Variants in ELP1 observed in about 807,000 individuals in gnomAD.
The protein encoded by ELP1 is elongator acetyltransferase complex subunit 1.
In ELP1, 131 loss-of-function variants were observed where a neutral mutation model predicts 183.2. The observed-to-expected ratio is 0.72, with a 90% confidence interval of 0.62 to 0.83. The LOEUF is 0.83. Among genes scored for constraint, ELP1 ranks in the 40% least tolerant of loss-of-function variants. The pLI is 0.00. For synonymous variants in ELP1, 555 were observed against 569.0 expected, an observed-to-expected ratio of 0.98 and a Z score of 0.35; for missense variants, 1,550 against 1,594.9, an observed-to-expected ratio of 0.97 and a Z score of 0.48.
intron 11 of ELP1, among the ~76,000 whole-genome samples, chr9:108,911,641 A>G (rs1460292912): frequency 1.3e-5 from 2 of 152,238 alleles, no homozygotes; most frequent in Admixed American, 1.3e-4. Flanking sequence ...CAGAATATGA[A>G]TTAATATACC....
chr9:108,878,649 A>G lies in ELP1; in HGVS notation c.3674T>C (p.Val1225Ala). ...TTTCAGGTTTTCAGTGTTCTGCACC[A>G]CTTCACTCAGTGCCTCCAGGAGGGC... ...DLALLEALSE[V>A]VQNTENLKDE... Residue 1225 changes from valine to alanine, a missense_variant, in exon 34 of 37, where the codon GTG becomes GCG. Physicochemically the swap from Val to Ala is moderately conservative, Grantham distance 64. Coordinates refer to ENST00000374647, the MANE Select transcript of ELP1 (RefSeq NM_003640.5). 1 of 1,614,136 alleles carries G rather than the reference A, an allele frequency of 6.2e-7. No homozygotes were observed. The highest frequency in any genetic ancestry group is 8.5e-7 in the Non-Finnish European group (1 of 1,180,016).
At chr9:108,922,990 G>A (rs1201717213) in intron 5 of ELP1, 63 bp from the exon 6 acceptor site, 14 of 1,189,286 alleles carry the variant, frequency 1.2e-5, no homozygotes, top group Non-Finnish European at 1.6e-5. Flanking sequence ...CAGTTTCACT[G>A]CTATTCTTCA....
chr9:108,879,401 T>A (rs372223039), intron 33 of ELP1, 45 bp downstream of exon 33: 1 of 1,426,604 alleles, frequency 7.0e-7, no homozygotes, highest in Non-Finnish European at 9.9e-7. Context: ...ACTTTCCCTA[T>A]ATGCCCAGGA....
intron 32 of ELP1, 37 bp downstream of exon 32, chr9:108,880,015 G>T: frequency 7.8e-7 from 1 of 1,289,434 alleles, no homozygotes. Context: ...CAACCCCACT[G>T]CCCCCGCACG....
chr9:108,882,153 C>T lies in ELP1; in HGVS notation c.3257G>A (p.Gly1086Glu). Residue 1086 changes from glycine (G) to glutamate (E), a missense_variant, in exon 30 of 37, where the codon GGA becomes GAA. Coordinates refer to ENST00000374647, the MANE Select transcript of ELP1 (RefSeq NM_003640.5). ...YEEAVLLLLE[G>E]AAWEEALRLV... ...CCTCAAAGCTTCTTCCCAGGCAGCT[C>T]CTTCTAACAGCAAGAGCACAGCTTC... 1 of 1,613,624 alleles carries T rather than the reference C, an allele frequency of 6.2e-7. No homozygotes were observed. The highest frequency in any genetic ancestry group is 8.5e-7 in the Non-Finnish European group (1 of 1,179,900).
At position 108,906,322 on chromosome 9, in the gene ELP1, G is replaced by T. The variant is rs1250751801; in HGVS notation, c.1624C>A (p.His542Asn). The T allele has an allele frequency of 1.2e-6, 2 of 1,613,944 alleles. No individual in the cohort carries two copies. The highest frequency in any genetic ancestry group is 2.2e-5 in the South Asian group (2 of 91,082). The change falls in exon 14 of 37, where the codon CAT (histidine) becomes AAT (asparagine). Residue 542 changes from histidine to asparagine, a missense_variant. His to Asn is a moderately conservative substitution (Grantham distance 68). Coordinates refer to ENST00000374647, the MANE Select transcript of ELP1 (RefSeq NM_003640.5). ...TAASSEMDEEHGQLNVSSSAA... is the reference protein window; with the variant it reads ...TAASSEMDEENGQLNVSSSAA... ...CAATACCTGACATTGAGCTGTCCATGCTCTTCATCCATCTCAGAAGAAGCT... is the reference window on the plus strand; with the variant it reads ...CAATACCTGACATTGAGCTGTCCATTCTCTTCATCCATCTCAGAAGAAGCT...
At chr9:108,931,991 G>A (rs1429243656) in intron 1 of ELP1, among the ~76,000 whole-genome samples, 4 of 152,192 alleles carry the variant, frequency 2.6e-5, no homozygotes, top group South Asian at 2.1e-4. Flanking sequence ...TACTGTGCTA[G>A]TTATTTATAT....
At chr9:108,878,236 A>C in intron 34 of ELP1, 87 bp from the exon 35 acceptor site, 1 of 1,139,932 alleles carries the variant, frequency 8.8e-7, no homozygotes, top group Non-Finnish European at 1.3e-6. Context: ...AAAGCCAAAA[A>C]TTTCTATGAT....
intron 12 of ELP1, among the ~76,000 whole-genome samples, chr9:108,909,171 C>T (rs900579599): frequency 6.6e-6 from 1 of 152,028 alleles, no homozygotes; most frequent in Non-Finnish European, 1.5e-5. Context: ...ACACCTTCCC[C>T]CTGTAAACCC....
chr9:108,931,478 T>C (rs1830001927), intron 1 of ELP1, among the ~76,000 whole-genome samples: 2 of 152,250 alleles, frequency 1.3e-5, no homozygotes, highest in South Asian at 4.1e-4. Context: ...AAAGATGTAA[T>C]ATCAGTTATT....
intron 4 of ELP1, among the ~76,000 whole-genome samples, chr9:108,926,947 G>A (rs1056493953): frequency 1.6e-4 from 25 of 152,144 alleles, no homozygotes; most frequent in African/African-American, 6.0e-4. Context: ...CTGGAATGAT[G>A]AGACTTAAAG....
chr9:108,915,854 C>T (rs1230750135), intron 10 of ELP1, among the ~76,000 whole-genome samples: 2 of 151,928 alleles, frequency 1.3e-5, no homozygotes, highest in Non-Finnish European at 2.9e-5. Context: ...AATGCAAAAC[C>T]CAAGTATACA....
At chr9:108,900,017 T>C (rs1007174255) in intron 19 of ELP1, 122 bp from the exon 20 acceptor site, 1 of 897,840 alleles carries the variant, frequency 1.1e-6, no homozygotes, top group Admixed American at 2.0e-5. Context: ...CAGCACACTT[T>C]TAGCAGAATC....
intron 8 of ELP1, among the ~76,000 whole-genome samples, 188 bp from the exon 9 acceptor site, chr9:108,917,858 G>A (rs145163665): frequency 2.0e-5 from 3 of 151,952 alleles, no homozygotes; most frequent in Non-Finnish European, 2.9e-5. Context: ...TCCCACTGTG[G>A]GACTGTACTT....
At chr9:108,903,023 A>C (rs1244432481) in intron 15 of ELP1, 81 bp from the exon 16 acceptor site, 11 of 915,688 alleles carry the variant, frequency 1.2e-5, no homozygotes, top group Non-Finnish European at 1.8e-5. Context: ...TTGCTAAAAC[A>C]CTTAACATGC....
At chr9:108,906,516 A>G (rs1829026842) in intron 13 of ELP1, 31 bp from the exon 14 acceptor site, 1 of 1,594,548 alleles carries the variant, frequency 6.3e-7, no homozygotes, top group Non-Finnish European at 8.6e-7. Context: ...TATCCAAGAC[A>G]TGAATAAAAC....
intron 6 of ELP1, among the ~76,000 whole-genome samples, chr9:108,919,811 G>A (rs766823459): frequency 1.3e-5 from 2 of 152,188 alleles, no homozygotes; most frequent in Non-Finnish European, 2.9e-5. Context: ...GGCAGCAGCA[G>A]ACAATGACGA....
rs1827296879 is a variant in ELP1 at position 108,867,886 on chromosome 9, T to C, written c.*1229A>G. The C allele has an allele frequency of 6.6e-6, 1 of 152,246 alleles. No individual in the cohort carries two copies. The highest frequency in any genetic ancestry group is 1.5e-5 in the Non-Finnish European group (1 of 68,038). 9.4% of individuals were successfully genotyped at this position (152,246 alleles called of 1,614,324 possible). On this transcript the variant is annotated 3_prime_UTR_variant, in exon 37 of 37. Coordinates refer to ENST00000374647, the MANE Select transcript of ELP1 (RefSeq NM_003640.5). ...GCTTCTTAAATTACAATTTTGGCTA[T>C]ATCACTTCTTTGAGGATCAAAAGCA...
At chr9:108,910,225 T>C (rs1829162416) in intron 12 of ELP1, among the ~76,000 whole-genome samples, 1 of 152,202 alleles carries the variant, frequency 6.6e-6, no homozygotes, top group African/African-American at 2.4e-5. Flanking sequence ...ACTGAAACTA[T>C]AATCAGAGAA....
Sources: gnomAD v4.1 joint callset for allele counts (sites outside exome capture counted in the v4.1 genomes callset) on GRCh38, gnomAD v4.1.1 for gene constraint, MANE v1.5 for transcripts, NCBI Gene and HGNC (gene_info 2026-07-23, HGNC 2026-07-21) for gene names.